Variants in CIB2 observed in about 807,000 individuals in gnomAD.
CIB2 encodes the protein calcium and integrin-binding family member 2.
CIB2 carries 19 observed loss-of-function variants against 23.1 expected under a neutral mutation model. The ratio of observed to expected loss-of-function variants is 0.82; its 90% CI spans 0.57 to 1.21. CIB2 has a LOEUF of 1.21. Among genes scored for constraint, CIB2 ranks in the 50% most tolerant of loss-of-function variants. CIB2 has a pLI of 0.00. For synonymous variants in CIB2, 94 were observed against 91.7 expected (o/e 1.03, Z -0.14); for missense variants, 220 against 241.5 (o/e 0.91, Z 0.59).
chr15:78,130,613 G>C (rs561169410), intron 1 of CIB2, among the ~76,000 whole-genome samples: 1 of 152,288 alleles, frequency 6.6e-6, no homozygotes, highest in East Asian at 1.9e-4. Context: ...CTGCTACCGG[G>C]CTTGCGTTCT....
Position 78,111,267 on chromosome 15 carries a change from C to T in CIB2, c.96G>A (p.Ser32=), listed in dbSNP as rs541843030. The T allele has an allele frequency of 1.5e-5, 25 of 1,613,856 alleles. No homozygotes were observed. The highest frequency in any genetic ancestry group is 5.0e-5 in the Admixed American group (3 of 59,962). The change falls in exon 3 of 6, where the codon TCG becomes TCA. Residue 32 remains serine, a synonymous_variant. Coordinates refer to ENST00000258930, the MANE Select transcript of CIB2 (RefSeq NM_006383.4). The part of the protein sequence containing the change: ...FNKKDILKLH[S]RFYELAPNLV... ...GGTTGGGGGCCAGCTCATAGAATCG[C>T]GAATGCAGCCTTGGAGGAAAGCAGA...
At chr15:78,111,050 C>T (rs1182925656) in intron 3 of CIB2, 115 bp downstream of exon 3, 1 of 865,978 alleles carries the variant, frequency 1.2e-6, no homozygotes, top group Non-Finnish European at 2.0e-6. Flanking sequence ...CTGTGATCTG[C>T]TCAGAGCCAC....
chr15:78,120,161 C>G (rs1214366035), intron 2 of CIB2, among the ~76,000 whole-genome samples: 1 of 152,124 alleles, frequency 6.6e-6, no homozygotes. Context: ...GCCTCGGCCT[C>G]TCAAAGTGCT....
chr15:78,113,827 C>T (rs920040249), intron 2 of CIB2, among the ~76,000 whole-genome samples: 28 of 152,320 alleles, frequency 1.8e-4, no homozygotes, highest in Non-Finnish European at 2.6e-4. Flanking sequence ...TTTCATAATT[C>T]ATGCATCTGG....
At chr15:78,119,010 T>C (rs1292370437) in intron 2 of CIB2, among the ~76,000 whole-genome samples, 1 of 151,884 alleles carries the variant, frequency 6.6e-6, no homozygotes, top group South Asian at 2.1e-4. Flanking sequence ...GTGAACCCCA[T>C]CTCTACTAAA....
chr15:78,125,419 T>C (rs1179406862), intron 1 of CIB2, among the ~76,000 whole-genome samples: 2 of 152,078 alleles, frequency 1.3e-5, no homozygotes, highest in African/African-American at 4.8e-5. Context: ...CCCCGATCTG[T>C]CCTCCTTCCC....
At chr15:78,114,849 A>G (rs988708130) in intron 2 of CIB2, among the ~76,000 whole-genome samples, 3 of 151,848 alleles carry the variant, frequency 2.0e-5, no homozygotes, top group Non-Finnish European at 4.4e-5. Flanking sequence ...TCAGGAGGCT[A>G]AAGTAGGAGG....
chr15:78,105,667 G>T, intron 5 of CIB2, 72 bp downstream of exon 5: 1 of 1,607,420 alleles, frequency 6.2e-7, no homozygotes. Flanking sequence ...GCGAGTGATA[G>T]GGGCCTCAGC....
chr15:78,105,987 C>T, intron 4 of CIB2, 53 bp from the exon 5 acceptor site: 2 of 1,462,980 alleles, frequency 1.4e-6, no homozygotes, highest in East Asian at 2.3e-5. Context: ...CACCCAGGGA[C>T]CCCTACACTA....
chr15:78,105,845 C>T lies in CIB2; in HGVS notation c.436G>A (p.Val146Met), dbSNP rs1281791895. Residue 146 changes from valine (V) to methionine (M), a missense_variant, in exon 5 of 6, where the codon GTG (valine) becomes ATG (methionine). Transcript: ENST00000258930. Reference sequence around the variant, plus strand: ...TCAATGACCTTGTCGCACACAAGCACCACCTCCTCCTCATCCAGCTCTGAC... The same window carrying T: ...TCAATGACCTTGTCGCACACAAGCATCACCTCCTCCTCATCCAGCTCTGAC... ...TKSELDEEEV[V>M]LVCDKVIEEA... 6.2e-7 allele frequency: 1 copy of T among 1,614,106 alleles called. No individual in the cohort carries two copies. The highest frequency in any genetic ancestry group is 1.7e-5 in the Admixed American group (1 of 60,012).
intron 4 of CIB2, 97 bp from the exon 5 acceptor site, chr15:78,106,031 A>C: frequency 4.2e-6 from 4 of 947,824 alleles, no homozygotes; most frequent in Non-Finnish European, 6.5e-6. Context: ...CACTACCTCC[A>C]CCAGCTTCTG....
chr15:78,109,476 G>T, intron 3 of CIB2, 94 bp from the exon 4 acceptor site: 2 of 1,425,558 alleles, frequency 1.4e-6, no homozygotes, highest in Non-Finnish European at 9.8e-7. Flanking sequence ...CCCTGGAGGA[G>T]TGACCAAATC....
rs556694212 is a variant in CIB2, at chr15:78,105,506, C to A, written c.543-174G>T. ...GGGGGAAGACGGAGGAACAGCGGTG[C>A]CCAGGGAGTTCTGCCCCCACTTATC... On this transcript the variant is annotated intron_variant, in intron 5 of 5. Transcript: ENST00000258930. The A allele has an allele frequency of 2.2e-5, 33 of 1,492,866 alleles. No homozygotes were observed. In the African/African-American group the frequency reaches 4.5e-4, roughly 20 times the overall value. 92.5% of individuals were successfully genotyped at this position (1,492,866 alleles called of 1,614,324 possible).
chr15:78,128,748 AAG>A (rs1260332698), intron 1 of CIB2, among the ~76,000 whole-genome samples: 3 of 151,394 alleles, frequency 2.0e-5, no homozygotes, highest in African/African-American at 7.3e-5. Context: ...TGAGAGAACT[AAG>A]AGGGCGGGTG....
At chr15:78,108,713 G>C (rs530549423) in intron 4 of CIB2, among the ~76,000 whole-genome samples, 2 of 152,126 alleles carry the variant, frequency 1.3e-5, no homozygotes, top group Non-Finnish European at 2.9e-5. Flanking sequence ...CTAGAAAACA[G>C]AGCTGCCCTT....
chr15:78,120,933 T>C (rs6495273), intron 2 of CIB2, among the ~76,000 whole-genome samples: 50,252 of 151,982 alleles, frequency 0.33, 8,637 homozygotes, highest in African/African-American at 0.43. Context: ...TGCAGCTGAC[T>C]TTGCCCTCTC....
At chr15:78,119,037 G>A (rs937470539) in intron 2 of CIB2, among the ~76,000 whole-genome samples, 1 of 151,706 alleles carries the variant, frequency 6.6e-6, no homozygotes, top group Non-Finnish European at 1.5e-5. Context: ...AAAATTAGCC[G>A]AGCGTGTTGG....
At chr15:78,111,332 A>T (rs2074156198) in intron 2 of CIB2, 56 bp from the exon 3 acceptor site, 5 of 1,438,776 alleles carry the variant, frequency 3.5e-6, no homozygotes. Flanking sequence ...AAGCCCCAGC[A>T]GCCCGGTGCT....
At chr15:78,120,582 G>T in intron 2 of CIB2, 1 of 985,364 alleles carries the variant, frequency 1.0e-6, no homozygotes, top group Non-Finnish European at 1.2e-6. Flanking sequence ...AAAAAGCAAG[G>T]TGACTGAATA....
Sources: gnomAD v4.1 joint callset for allele counts (sites outside exome capture counted in the v4.1 genomes callset) on GRCh38, gnomAD v4.1.1 for gene constraint, MANE v1.5 for transcripts, NCBI Gene and HGNC (gene_info 2026-07-23, HGNC 2026-07-21) for gene names.